The following PHEX variants were observed in gnomAD, a reference collection of about 807,000 sequenced individuals.
PHEX encodes phosphate-regulating neutral endopeptidase PHEX.
PHEX carries 16 observed loss-of-function variants against 68.0 expected under a neutral mutation model. That is an observed-to-expected ratio of 0.24 (90% CI 0.16 to 0.36). The LOEUF (loss-of-function observed/expected upper bound fraction) is 0.36. Among genes scored for constraint, PHEX ranks in the 10% least tolerant of loss-of-function variants. The pLI is 1.00. For missense variants in PHEX, 480 were observed against 575.5 expected, an observed-to-expected ratio of 0.83 and a Z score of 1.70; for synonymous variants, 208 against 205.1, an observed-to-expected ratio of 1.01 and a Z score of -0.12.
chrX:22,057,689 A>T, intron 3 of PHEX, among the ~76,000 whole-genome samples: 1 of 111,549 alleles, frequency 9.0e-6, no homozygotes. Flanking sequence ...TCATTTGTGT[A>T]CATGCTTGCT....
At chrX:22,182,834 C>T (rs931155161) in intron 14 of PHEX, among the ~76,000 whole-genome samples, 1 of 112,002 alleles carries the variant, frequency 8.9e-6, no homozygotes, top group Non-Finnish European at 1.9e-5. Flanking sequence ...TCTCACTGAG[C>T]TAGGAGGGAC....
At chrX:22,238,318 G>A (rs1370834979) in intron 20 of PHEX, among the ~76,000 whole-genome samples, 2 of 111,750 alleles carry the variant, frequency 1.8e-5, no homozygotes, top group Non-Finnish European at 1.9e-5. Context: ...CACTTCACCC[G>A]GGAAGCACAA....
At position 22,251,248 on chromosome X, in the gene PHEX, TCTC is replaced by T. The variant is rs1393225490; in HGVS notation, c.*3298_*3300del. 1 of 112,716 alleles carries T rather than the reference TCTC, an allele frequency of 8.9e-6. No homozygotes were observed. The highest frequency in any genetic ancestry group is 1.9e-5 in the Non-Finnish European group (1 of 53,373). The allele number at this position is 112,716 out of a possible 1,213,427, so 9.3% of individuals were successfully genotyped here. The stretch of plus-strand genomic sequence containing the variant: ...TATTCTGAGACTGGTTGTATTTTCT[TCTC>T]CTACTCGTGAAACGATGTGAACAAG... On this transcript the variant is annotated 3_prime_UTR_variant, in exon 22 of 22. Coordinates refer to ENST00000379374, the MANE Select transcript of PHEX (RefSeq NM_000444.6).
At chrX:22,170,437 C>T (rs757351882) in intron 13 of PHEX, among the ~76,000 whole-genome samples, 1 of 111,324 alleles carries the variant, frequency 9.0e-6, no homozygotes, top group African/African-American at 3.3e-5. Flanking sequence ...GGTTATGTAT[C>T]CTCTCTGTGC....
At chrX:22,045,396 TG>T (rs1927482880) in intron 2 of PHEX, among the ~76,000 whole-genome samples, 1 of 111,027 alleles carries the variant, frequency 9.0e-6, no homozygotes, top group Admixed American at 9.6e-5. Context: ...AAATATTGTC[TG>T]GTTTTTTAAA....
rs372663150 is a variant in PHEX at position 22,097,027 on chromosome X, A to G, written c.922A>G (p.Met308Val). 1.9e-5 allele frequency: 22 copies of G among 1,189,055 alleles called. No homozygotes were observed. Among genetic ancestry groups the G allele is most frequent in the Admixed American group, 1.3e-4 (6 of 45,829 alleles). Residue 308 changes from methionine (M) to valine (V), a missense_variant, in exon 8 of 22, where the codon ATG (methionine) becomes GTG (valine). Physicochemically the swap from Met to Val is conservative, Grantham distance 21. Coordinates refer to ENST00000379374, the MANE Select transcript of PHEX (RefSeq NM_000444.6). ...AATGAACATTTCTGAACTGAGTGCT[A>G]TGATTCCCCAGGTTGGTGAAAACTA... ...NKMNISELSA[M>V]IPQFDWLGYI... is the part of the protein sequence containing the mutation.
At chrX:22,214,842 C>T (rs994098496) in intron 16 of PHEX, among the ~76,000 whole-genome samples, 4 of 112,059 alleles carry the variant, frequency 3.6e-5, no homozygotes, top group Non-Finnish European at 7.5e-5. Context: ...ATAAAAATTG[C>T]AGGTTCTTAT....
At chrX:22,234,723 G>A (rs1278126571) in intron 20 of PHEX, among the ~76,000 whole-genome samples, 1 of 108,536 alleles carries the variant, frequency 9.2e-6, no homozygotes, top group Non-Finnish European at 1.9e-5. Flanking sequence ...GGTAGGACCC[G>A]CCAAGCCAGA....
intron 3 of PHEX, among the ~76,000 whole-genome samples, chrX:22,073,421 C>T (rs923152101): frequency 1.8e-5 from 2 of 111,558 alleles, no homozygotes; most frequent in South Asian, 7.4e-4. Context: ...GCTCGAATTC[C>T]AGCTAGCAAG....
intron 12 of PHEX, among the ~76,000 whole-genome samples, chrX:22,152,588 CA>C (rs1486210053): frequency 1.8e-5 from 2 of 111,859 alleles, no homozygotes; most frequent in Non-Finnish European, 3.8e-5. Flanking sequence ...CTAAACACAA[CA>C]ACATGGACAA....
chrX:22,166,478 T>C (rs1933324817), intron 12 of PHEX, among the ~76,000 whole-genome samples: 1 of 111,120 alleles, frequency 9.0e-6, no homozygotes. Context: ...TATCTCCTTG[T>C]AGTTTTTTTC....
chrX:22,189,242 G>C (rs748857864), intron 14 of PHEX, among the ~76,000 whole-genome samples: 1 of 112,439 alleles, frequency 8.9e-6, no homozygotes, highest in South Asian at 3.7e-4. Flanking sequence ...ACAAACATGG[G>C]AGTGCAGATA....
chrX:22,084,689 T>A (rs1383338999), intron 5 of PHEX, among the ~76,000 whole-genome samples: 1 of 110,451 alleles, frequency 9.1e-6, no homozygotes, highest in Non-Finnish European at 1.9e-5. Flanking sequence ...TACTAGGTAT[T>A]AGTTTGTTGA....
chrX:22,087,933 A>AT (rs1929695271), intron 5 of PHEX, among the ~76,000 whole-genome samples: 1 of 111,863 alleles, frequency 8.9e-6, no homozygotes. Flanking sequence ...ACATAAATTC[A>AT]TTTTTTGTGA....
chrX:22,243,593 A>C (rs1936298403), intron 20 of PHEX, among the ~76,000 whole-genome samples: 1 of 112,414 alleles, frequency 8.9e-6, no homozygotes, highest in African/African-American at 3.2e-5. Context: ...CAAGAAAAAA[A>C]CAACCCCATG....
chrX:22,106,946 A>G, intron 9 of PHEX, among the ~76,000 whole-genome samples: 1 of 111,074 alleles, frequency 9.0e-6, no homozygotes. Flanking sequence ...GAGGAGATTT[A>G]TAAGCAATAT....
chrX:22,232,084 T>A (rs1935766204), intron 20 of PHEX, among the ~76,000 whole-genome samples: 1 of 112,085 alleles, frequency 8.9e-6, no homozygotes, highest in Non-Finnish European at 1.9e-5. Context: ...TGGTTTTGAG[T>A]GAGTTTCTTA....
At chrX:22,244,291 G>A (rs200247856) in intron 20 of PHEX, among the ~76,000 whole-genome samples, 4 of 110,646 alleles carry the variant, frequency 3.6e-5, no homozygotes, top group Non-Finnish European at 7.6e-5. Context: ...CCAGGGGGTC[G>A]GGGGCTAAGG....
chrX:22,201,681 C>A (rs1432911584), intron 15 of PHEX, among the ~76,000 whole-genome samples: 2 of 111,615 alleles, frequency 1.8e-5, no homozygotes, highest in Non-Finnish European at 3.8e-5. Context: ...CATGGTAAGT[C>A]CCAGAACCAA....
Sources: gnomAD v4.1 joint callset for allele counts (sites outside exome capture counted in the v4.1 genomes callset) on GRCh38, gnomAD v4.1.1 for gene constraint, MANE v1.5 for transcripts, NCBI Gene and HGNC (gene_info 2026-07-23, HGNC 2026-07-21) for gene names.